Variants in IRAG1 observed in about 807,000 individuals in gnomAD.
IRAG1 encodes the protein inositol 1,4,5-triphosphate receptor associated 1, also known as IP3R-associated cGMP kinase substrate.
In IRAG1, 62 loss-of-function variants were observed where a neutral mutation model predicts 106.2. The observed-to-expected ratio is 0.58, with a 90% CI of 0.48 to 0.72. The LOEUF (loss-of-function observed/expected upper bound fraction) is 0.72. Ranked by LOEUF, IRAG1 falls within the 30% of genes least tolerant of loss-of-function variation. The probability of loss-of-function intolerance (pLI) is 0.00; values close to 1 mark genes in which losing one functional copy is unlikely to be tolerated. For missense variants in IRAG1, 1,064 were observed against 1,140.7 expected, an observed-to-expected ratio of 0.93 and a Z score of 0.97; for synonymous variants, 462 against 443.9, an observed-to-expected ratio of 1.04 and a Z score of -0.51.
chr11:10,621,542 G>A (rs115126915), intron 10 of IRAG1, among the ~76,000 whole-genome samples: 2,798 of 152,186 alleles, frequency 0.018, 87 homozygotes, highest in African/African-American at 0.065. Flanking sequence ...TCCCCAACAC[G>A]CTGGCCTCCT....
intron 1 of IRAG1, among the ~76,000 whole-genome samples, chr11:10,675,267 G>A (rs988128632): frequency 5.3e-5 from 8 of 152,182 alleles, no homozygotes; most frequent in African/African-American, 1.9e-4. Context: ...CACCCAGAGT[G>A]CCTTTGTCAG....
At chr11:10,613,120 G>A (rs933512348) in intron 10 of IRAG1, among the ~76,000 whole-genome samples, 6 of 152,228 alleles carry the variant, frequency 3.9e-5, no homozygotes, top group African/African-American at 9.6e-5. Context: ...TGTTGTCTCC[G>A]AAGCAGTGAA....
At chr11:10,587,580 G>A (rs1366889427) in intron 18 of IRAG1, among the ~76,000 whole-genome samples, 2 of 152,210 alleles carry the variant, frequency 1.3e-5, no homozygotes, top group African/African-American at 4.8e-5. Flanking sequence ...GGTGCTTCAA[G>A]AGTATAGAAA....
intron 10 of IRAG1, among the ~76,000 whole-genome samples, chr11:10,622,479 A>G (rs1401599797): frequency 3.9e-5 from 6 of 152,002 alleles, no homozygotes; most frequent in African/African-American, 1.5e-4. Flanking sequence ...ACCTATCTCA[A>G]TGCTCCTGCC....
chr11:10,618,213 A>C (rs1855575035), intron 10 of IRAG1, among the ~76,000 whole-genome samples: 3 of 152,000 alleles, frequency 2.0e-5, no homozygotes, highest in African/African-American at 7.3e-5. Context: ...CCTGCTTGGG[A>C]TGACTTTCTC....
chr11:10,599,722 C>T (rs995911672), intron 15 of IRAG1: 7 of 152,346 alleles, frequency 4.6e-5, no homozygotes, highest in Admixed American at 3.3e-4. Context: ...CTGTTTTCTC[C>T]TGCTAGCCAC....
Position 10,657,998 on chromosome 11 carries a change from T to C in IRAG1, c.68-5816A>G, listed in dbSNP as rs781115836. Among the ~76,000 whole-genome samples the C allele has an allele frequency of 9.8e-5, 15 of 152,328 alleles. No homozygotes were observed. In the South Asian group the frequency reaches 1.0e-3, roughly 11 times the overall value. ...CTTTTCATTTTGACGGTTTTGCTCA[T>C]AGTAAAGGGTAAGCCATTGTGTCTG... On this transcript the variant is annotated intron_variant, in intron 1 of 20. Transcript: ENST00000423302. This position sits in a 1 kb window ranked among gnomAD's most constrained non-coding sequence, Gnocchi z 4.1.
chr11:10,636,859 T>A (rs896696199), intron 2 of IRAG1, among the ~76,000 whole-genome samples: 4 of 152,192 alleles, frequency 2.6e-5, no homozygotes, highest in African/African-American at 7.2e-5. Context: ...CCAAAGGGAA[T>A]CGCATTAGCA....
chr11:10,655,073 C>T (rs1416351873), intron 1 of IRAG1, among the ~76,000 whole-genome samples: 2 of 152,108 alleles, frequency 1.3e-5, no homozygotes, highest in African/African-American at 2.4e-5. Context: ...TTGAGGGTAG[C>T]AAAAGACTAG....
At chr11:10,624,914 C>G (rs1856120554) in intron 9 of IRAG1, among the ~76,000 whole-genome samples, 1 of 152,174 alleles carries the variant, frequency 6.6e-6, no homozygotes, top group African/African-American at 2.4e-5. Flanking sequence ...CCCCTTGGCT[C>G]CAACTTCCGC....
chr11:10,690,087 C>T (rs368517430), intron 1 of IRAG1, among the ~76,000 whole-genome samples: 12 of 152,132 alleles, frequency 7.9e-5, no homozygotes, highest in Non-Finnish European at 1.6e-4. Context: ...ATGTCTTCTC[C>T]GCTAGGAAAA....
At chr11:10,661,221 C>T (rs1306318356) in intron 1 of IRAG1, among the ~76,000 whole-genome samples, 2 of 152,194 alleles carry the variant, frequency 1.3e-5, no homozygotes, top group East Asian at 1.9e-4. Context: ...TGCTTTTTTA[C>T]ACCCTTTGCA....
At chr11:10,587,051 C>T (rs533846404) in intron 18 of IRAG1, among the ~76,000 whole-genome samples, 1 of 152,192 alleles carries the variant, frequency 6.6e-6, no homozygotes, top group Non-Finnish European at 1.5e-5. Flanking sequence ...CTGTGCCCAC[C>T]CTAGGGATTT....
At chr11:10,680,550 AGG>A (rs1172888372) in intron 1 of IRAG1, among the ~76,000 whole-genome samples, 45 of 139,916 alleles carry the variant, frequency 3.2e-4, no homozygotes, top group African/African-American at 1.1e-3. Flanking sequence ...GGGAAGGGGA[AGG>A]GGAAGGGGAA....
chr11:10,641,478 C>A (rs1445198825), intron 2 of IRAG1, among the ~76,000 whole-genome samples: 2 of 152,198 alleles, frequency 1.3e-5, no homozygotes, highest in Non-Finnish European at 2.9e-5. Context: ...CCACCTTCAC[C>A]CGGCTCCACT....
At chr11:10,594,105 T>C in intron 16 of IRAG1, 41 bp downstream of exon 16, 2 of 1,562,150 alleles carry the variant, frequency 1.3e-6, no homozygotes, top group Non-Finnish European at 8.7e-7. Context: ...ACTTCTGTCA[T>C]ACTCCTTCCA....
intron 10 of IRAG1, among the ~76,000 whole-genome samples, chr11:10,622,970 G>C (rs72862385): frequency 0.011 from 1,699 of 151,382 alleles, 16 homozygotes; most frequent in Middle Eastern, 0.02. Context: ...TCATGTACCA[G>C]GTATTGTTTT....
intron 10 of IRAG1, among the ~76,000 whole-genome samples, chr11:10,622,567 C>T (rs899270514): frequency 3.9e-5 from 6 of 152,104 alleles, no homozygotes; most frequent in East Asian, 1.9e-4. Flanking sequence ...TACAGTGGCA[C>T]GATCACAGTT....
At chr11:10,656,624 A>C (rs907159796) in intron 1 of IRAG1, among the ~76,000 whole-genome samples, 1 of 152,222 alleles carries the variant, frequency 6.6e-6, no homozygotes. Context: ...ACACTATGCT[A>C]AATGTATTTC....
Sources: allele counts gnomAD v4.1 joint callset (sites outside exome capture counted in the v4.1 genomes callset), GRCh38; gene constraint gnomAD v4.1.1; non-coding constraint Gnocchi (gnomAD v3.1); transcripts MANE v1.5; gene names NCBI Gene and HGNC (gene_info 2026-07-23, HGNC 2026-07-21).